The following MECR variants were observed in gnomAD, a reference collection of about 807,000 sequenced individuals.
The protein encoded by MECR is enoyl-[acyl-carrier-protein] reductase, mitochondrial.
Under a neutral mutation model 49.1 loss-of-function variants are expected in MECR, and 37 were observed. The observed-to-expected ratio is 0.75, with a 90% CI of 0.58 to 0.99. The LOEUF is 0.99. Ranked by LOEUF, MECR falls within the 50% of genes least tolerant of loss-of-function variation. MECR has a pLI of 0.00. For synonymous variants in MECR, 198 were observed against 191.1 expected, an observed-to-expected ratio of 1.04 and a Z score of -0.30; for missense variants, 470 against 479.6, an observed-to-expected ratio of 0.98 and a Z score of 0.19.
chr1:29,217,204 CCA>C (rs1467041940), intron 1 of MECR, among the ~76,000 whole-genome samples: 4 of 148,904 alleles, frequency 2.7e-5, no homozygotes, highest in East Asian at 2.0e-4. Flanking sequence ...AGTGGAAAAC[CCA>C]CAGTGTTTTT....
chr1:29,179,736 C>A, the MECR span, among the ~76,000 whole-genome samples: 1 of 152,176 alleles, frequency 6.6e-6, no homozygotes, highest in African/African-American at 2.4e-5. Flanking sequence ...TCAAGCAAAT[C>A]ATTCCAAGTT....
intron 1 of MECR, among the ~76,000 whole-genome samples, chr1:29,226,720 T>G (rs1308897639): frequency 1.1e-4 from 17 of 152,108 alleles, no homozygotes; most frequent in Admixed American, 1.1e-3. Context: ...TCAATCTACT[T>G]GAGCTTCAAT....
intron 1 of MECR, among the ~76,000 whole-genome samples, chr1:29,220,458 G>C (rs1160299627): frequency 6.6e-6 from 1 of 152,134 alleles, no homozygotes; most frequent in African/African-American, 2.4e-5. Flanking sequence ...AAACCAAAGG[G>C]ACTTAGCTAT....
chr1:29,214,221 CT>C (rs1424726891), intron 3 of MECR, among the ~76,000 whole-genome samples: 1 of 151,926 alleles, frequency 6.6e-6, no homozygotes, highest in Non-Finnish European at 1.5e-5. Flanking sequence ...GCCACCATGC[CT>C]GGCTAATTTT....
At position 29,193,864 on chromosome 1, in the gene MECR, C is replaced by A; in HGVS notation, c.*158G>T. ...CTTTATTAGATACCTTAAGGCTGGC[C>A]CTGGGGAAAACCGTGGCTGGCTTCA... On this transcript the variant is annotated 3_prime_UTR_variant, in exon 10 of 10. Coordinates refer to ENST00000263702, the MANE Select transcript of MECR (RefSeq NM_016011.5). The A allele has an allele frequency of 1.2e-6, 1 of 829,820 alleles. No homozygotes were observed. The highest frequency in any genetic ancestry group is 1.9e-6 in the Non-Finnish European group (1 of 535,286). The allele number at this position is 829,820 out of a possible 1,614,324, so 51.4% of individuals were successfully genotyped here.
chr1:29,173,168 T>C, the MECR span: 5 of 137,642 alleles, frequency 3.6e-5, no homozygotes, highest in Middle Eastern at 4.0e-3. Flanking sequence ...GACAGAGTCT[T>C]GCTCTGTCAT....
In MECR at chr1:29,193,931, C is replaced by G; in HGVS notation, c.*91G>C. ...AAGAGGCAGTGAGGAGAACAGTAGT[C>G]TGGGGAAGGTGGGAGCCCCAACTGA... On this transcript the variant is annotated 3_prime_UTR_variant, in exon 10 of 10. Coordinates refer to ENST00000263702, the MANE Select transcript of MECR (RefSeq NM_016011.5). The G allele has an allele frequency of 6.8e-7, 1 of 1,476,822 alleles. No homozygotes were observed. Among genetic ancestry groups the G allele is most frequent in the Non-Finnish European group, 9.3e-7 (1 of 1,079,442 alleles). 91.5% of individuals were successfully genotyped at this position (1,476,822 alleles called of 1,614,324 possible). A position where few individuals can be genotyped will look rare whatever the true frequency, so the allele number is the denominator to read the frequency against.
At chr1:29,179,649 A>G in the MECR span, among the ~76,000 whole-genome samples, 1 of 152,180 alleles carries the variant, frequency 6.6e-6, no homozygotes, top group African/African-American at 2.4e-5. Context: ...CAACTACGAC[A>G]TATACTATTC....
the MECR span, among the ~76,000 whole-genome samples, chr1:29,177,178 G>C: frequency 6.6e-6 from 1 of 151,412 alleles, no homozygotes; most frequent in African/African-American, 2.4e-5. Context: ...GCCAACAAAA[G>C]TTACCACAGA....
rs534155380 is a variant in MECR, at chr1:29,197,748, C to A, written c.831-1490G>T. Among the ~76,000 whole-genome samples the A allele has an allele frequency of 3.9e-5, 6 of 152,366 alleles. No homozygotes were observed. The South Asian group carries it at 1.2e-3, about 32-fold the overall frequency. ...AGCTCCTGGGAGCCAAGCCCTCTCT[C>A]TTCTGTATCCCTGCTGCACTTCATC... On this transcript the variant is annotated intron_variant, in intron 7 of 9. Coordinates refer to ENST00000263702, the MANE Select transcript of MECR (RefSeq NM_016011.5).
the MECR span, among the ~76,000 whole-genome samples, chr1:29,178,888 ATT>A: frequency 6.6e-6 from 1 of 152,170 alleles, no homozygotes. Context: ...CTCTGTAATG[ATT>A]CCTCAATGAT....
intron 4 of MECR, among the ~76,000 whole-genome samples, chr1:29,204,695 C>G (rs545512448): frequency 6.6e-6 from 1 of 152,222 alleles, no homozygotes; most frequent in South Asian, 2.1e-4. Flanking sequence ...GCAGTGGGTA[C>G]TTAGGGTGGG....
chr1:29,223,001 T>C, intron 1 of MECR: 1 of 759,388 alleles, frequency 1.3e-6, no homozygotes, highest in Non-Finnish European at 1.6e-6. Context: ...AAACCTCTAG[T>C]GTAATGATAG....
the MECR span, chr1:29,170,663 TG>T: frequency 6.6e-6 from 1 of 152,348 alleles, no homozygotes; most frequent in South Asian, 2.1e-4. Context: ...TTAAAATGGA[TG>T]GATCAATAGC....
chr1:29,172,119 T>C, the MECR span: 1 of 152,074 alleles, frequency 6.6e-6, no homozygotes, highest in Admixed American at 6.5e-5. Context: ...TTTTGGGGGG[T>C]AAGTTGACTT....
At position 29,230,928 on chromosome 1, in the gene MECR, G is replaced by T; in HGVS notation, c.-22C>A. The T allele has an allele frequency of 6.4e-7, 1 of 1,562,654 alleles. No homozygotes were observed. On this transcript the variant is annotated 5_prime_UTR_variant, in exon 1 of 10. Transcript: ENST00000263702. ...ACATGCTCGCTCCAACCAACACAGA[G>T]CCTGACGCCCCGGCTACGTCATCTT...
intron 1 of MECR, among the ~76,000 whole-genome samples, chr1:29,229,573 G>A (rs1478638350): frequency 6.6e-6 from 1 of 152,156 alleles, no homozygotes; most frequent in Admixed American, 6.5e-5. Flanking sequence ...CAAACTATTT[G>A]CTGGGAATCA....
chr1:29,201,298 G>T lies in MECR; in HGVS notation c.756+645C>A. Reference sequence around the variant, plus strand: ...ACTGCTTCAGAAATGTTCGCAAGAAGCGCATGCTCTTGAGTGTGTGTCTTT... The same window carrying T: ...ACTGCTTCAGAAATGTTCGCAAGAATCGCATGCTCTTGAGTGTGTGTCTTT... On this transcript the variant is annotated intron_variant, in intron 6 of 9. Transcript: ENST00000263702. The surrounding 1 kb of genome is among the most constrained non-coding windows in gnomAD (Gnocchi z 4.3). The T allele has an allele frequency of 2.1e-6, 1 of 481,408 alleles. No homozygotes were observed. Among genetic ancestry groups the T allele is most frequent in the Non-Finnish European group, 4.2e-6 (1 of 239,472 alleles). 29.8% of individuals were successfully genotyped at this position (481,408 alleles called of 1,614,324 possible). A position where few individuals can be genotyped will look rare whatever the true frequency, so the allele number is the denominator to read the frequency against.
chr1:29,196,847 TAATA>T (rs1226550728), intron 7 of MECR, among the ~76,000 whole-genome samples: 5 of 149,066 alleles, frequency 3.4e-5, no homozygotes, highest in Non-Finnish European at 7.4e-5. Flanking sequence ...CTATAAATAA[TAATA>T]AAAAAAAATT....
Sources: allele counts gnomAD v4.1 joint callset (sites outside exome capture counted in the v4.1 genomes callset), GRCh38; gene constraint gnomAD v4.1.1; non-coding constraint Gnocchi (gnomAD v3.1); transcripts MANE v1.5; gene names NCBI Gene and HGNC (gene_info 2026-07-23, HGNC 2026-07-21).